Variants in IGSF9B observed in about 807,000 individuals in gnomAD.
IGSF9B encodes immunoglobulin superfamily member 9B, also known as protein turtle homolog B.
IGSF9B carries 48 observed loss-of-function variants against 143.7 expected under a neutral mutation model. The observed-to-expected ratio is 0.33, with a 90% CI of 0.26 to 0.42. The LOEUF (loss-of-function observed/expected upper bound fraction) is 0.42, where lower values mean the gene tolerates loss of function less well. Ranked by LOEUF, IGSF9B falls within the 20% of genes least tolerant of loss-of-function variation. The pLI is 1.00. For missense variants in IGSF9B, 1,706 were observed against 1,980.0 expected, an observed-to-expected ratio of 0.86 and a Z score of 2.63; for synonymous variants, 903 against 833.1, an observed-to-expected ratio of 1.08 and a Z score of -1.44.
In IGSF9B at chr11:133,898,517, G is replaced by A. The variant is rs1939060410; in HGVS notation, c.*10552C>T. The A allele has an allele frequency of 6.5e-6, 1 of 154,350 alleles. No homozygotes were observed. The highest frequency in any genetic ancestry group is 2.4e-5 in the African/African-American group (1 of 41,504). 9.6% of individuals were successfully genotyped at this position (154,350 alleles called of 1,614,324 possible). A position where few individuals can be genotyped will look rare whatever the true frequency, so the allele number is the denominator to read the frequency against. On this transcript the variant is annotated 3_prime_UTR_variant, in exon 20 of 20. Coordinates refer to ENST00000533871, the MANE Select transcript of IGSF9B (RefSeq NM_001277285.4). Reference sequence around the variant, plus strand: ...GAAAAACACTGAAGACCAAGGGGCAGGAGTCACTGACATGAAGCGGGATGT... The same window carrying A: ...GAAAAACACTGAAGACCAAGGGGCAAGAGTCACTGACATGAAGCGGGATGT...
rs769248011 is a variant in IGSF9B, at chr11:133,926,012, G to C, written c.1808-47C>G. On this transcript the variant is annotated intron_variant, in intron 13 of 19. Transcript: ENST00000533871. Reference sequence around the variant, plus strand: ...AACCACAGCGCATCAGCGAGGCCCAGGGCAGCCACCGCACCCCCCACACTC... The same window carrying C: ...AACCACAGCGCATCAGCGAGGCCCACGGCAGCCACCGCACCCCCCACACTC... 8.7e-6 allele frequency: 12 copies of C among 1,383,018 alleles called. No homozygotes were observed. The South Asian group carries it at 8.7e-5, about 10-fold the overall frequency. 85.7% of individuals were successfully genotyped at this position (1,383,018 alleles called of 1,614,324 possible).
rs368087626 is a variant in IGSF9B at position 133,921,103 on chromosome 11, G to A, written c.2622C>T (p.Ile874=). The A allele has an allele frequency of 5.0e-5, 81 of 1,613,840 alleles. No individual in the cohort carries two copies. In the African/African-American group the frequency reaches 6.8e-4, roughly 14 times the overall value. Residue 874 remains isoleucine (I), a synonymous_variant, in exon 18 of 20, where the codon ATC becomes ATT. Coordinates refer to ENST00000533871, the MANE Select transcript of IGSF9B (RefSeq NM_001277285.4). ...EMEPSLKSRR[I]EGFPFAEETD... Reference sequence around the variant, plus strand: ...TCTCCTCGGCGAAGGGGAAGCCCTCGATGCGCCTGCTCTTCAGCGAGGGCT... The same window carrying A: ...TCTCCTCGGCGAAGGGGAAGCCCTCAATGCGCCTGCTCTTCAGCGAGGGCT...
At chr11:133,939,803 C>A (rs571107453) in intron 3 of IGSF9B, among the ~76,000 whole-genome samples, 2 of 151,568 alleles carry the variant, frequency 1.3e-5, no homozygotes, top group African/African-American at 4.9e-5. Context: ...CACGCGTCAT[C>A]GCATGCAGAA....
In IGSF9B at chr11:133,919,731, G is replaced by T; in HGVS notation, c.3983+11C>A. 2 of 1,402,150 alleles carry T rather than the reference G, an allele frequency of 1.4e-6. No individual in the cohort carries two copies. Among genetic ancestry groups the T allele is most frequent in the Admixed American group, 2.8e-5 (1 of 35,232 alleles). 86.9% of individuals were successfully genotyped at this position (1,402,150 alleles called of 1,614,324 possible). A position where few individuals can be genotyped will look rare whatever the true frequency, so the allele number is the denominator to read the frequency against. On this transcript the variant is annotated intron_variant, in intron 18 of 19. Transcript: ENST00000533871. ...CCCAGGTGCGGGTGGCGGAAGAGGCGGCGCACTCACCCTGAAGTAGGTAAC... is the reference window on the plus strand; with the variant it reads ...CCCAGGTGCGGGTGGCGGAAGAGGCTGCGCACTCACCCTGAAGTAGGTAAC...
rs1158587664 is a variant in IGSF9B, at chr11:133,907,474, A to C, written c.*1595T>G. Among the ~76,000 whole-genome samples the C allele has an allele frequency of 3.3e-5, 5 of 152,134 alleles. No individual in the cohort carries two copies. Among genetic ancestry groups the C allele is most frequent in the African/African-American group, 7.2e-5 (3 of 41,422 alleles). ...CCAAGACAGCAGCACCAAGAAGGAA[A>C]TACTTCAAGGAACCTTCATTCTAAG... On this transcript the variant is annotated 3_prime_UTR_variant, in exon 20 of 20. Transcript: ENST00000533871.
At chr11:133,939,291 A>C (rs1007670050) in intron 3 of IGSF9B, among the ~76,000 whole-genome samples, 2 of 148,146 alleles carry the variant, frequency 1.4e-5, no homozygotes, top group Non-Finnish European at 3.0e-5. Flanking sequence ...ATCCCATCTC[A>C]GATGGCACTT....
chr11:133,926,265 C>T (rs1016929853), intron 13 of IGSF9B, among the ~76,000 whole-genome samples: 1 of 152,264 alleles, frequency 6.6e-6, no homozygotes, highest in African/African-American at 2.4e-5. Flanking sequence ...ACAGCAGTCA[C>T]TCTTTCCATT....
At chr11:133,929,237 C>T (rs329672) in intron 12 of IGSF9B, among the ~76,000 whole-genome samples, 85,685 of 152,044 alleles carry the variant, frequency 0.56, 24,731 homozygotes, top group Middle Eastern at 0.7. Context: ...TACCTACAAA[C>T]GTATGTACCA....
Position 133,902,529 on chromosome 11 carries a change from A to G in IGSF9B, c.*6540T>C, listed in dbSNP as rs887209773. ...CACACCACACACAGACATGCACACC[A>G]CACACATATACCACACACACCACAT... On this transcript the variant is annotated 3_prime_UTR_variant, in exon 20 of 20. Transcript: ENST00000533871. 2.7e-4 allele frequency among the ~76,000 whole-genome samples: 38 copies of G among 142,708 alleles called. No homozygotes were observed. The highest frequency in any genetic ancestry group is 2.8e-4 in the Non-Finnish European group (18 of 65,406). 93.6% of individuals were successfully genotyped at this position (142,708 alleles called of 152,430 possible). A position where few individuals can be genotyped will look rare whatever the true frequency, so the allele number is the denominator to read the frequency against.
rs1168942142 is a variant in IGSF9B, at chr11:133,953,051, G to C, written c.64+3640C>G. On this transcript the variant is annotated intron_variant, in intron 1 of 19. Transcript: ENST00000533871. This position sits in a 1 kb window ranked among gnomAD's most constrained non-coding sequence, Gnocchi z 4.2. ...CCCCCACATCTTGAAGCACCCAGCA[G>C]GGCTGAGGAAGAGAGGGCCAAGGAA... Among the ~76,000 whole-genome samples, 2 of 152,262 alleles carry C rather than the reference G, an allele frequency of 1.3e-5. No homozygotes were observed. Among genetic ancestry groups the C allele is most frequent in the African/African-American group, 4.8e-5 (2 of 41,554 alleles).
intron 1 of IGSF9B, among the ~76,000 whole-genome samples, chr11:133,949,878 C>T (rs1940127523): frequency 6.6e-6 from 1 of 152,184 alleles, no homozygotes; most frequent in Non-Finnish European, 1.5e-5. Flanking sequence ...CAGGGAAAGG[C>T]ACCATAGGTC....
At position 133,929,728 on chromosome 11, in the gene IGSF9B, G is replaced by C; in HGVS notation, c.1574C>G (p.Ala525Gly). 2 of 1,613,974 alleles carry C rather than the reference G, an allele frequency of 1.2e-6. No homozygotes were observed. The highest frequency in any genetic ancestry group is 1.7e-4 in the Middle Eastern group (1 of 6,060). ...SVRVQVSMTTANVSWEPGYDG... is the reference protein window; with the variant it reads ...SVRVQVSMTTGNVSWEPGYDG... ...ATAGCCTGGTTCCCAGGACACGTTG[G>C]CAGTTGTCATGGAGACCTGGACCCG... Residue 525 changes from alanine (A) to glycine (G), a missense_variant, in exon 12 of 20, where the codon GCC (alanine) becomes GGC (glycine). Ala to Gly is a moderately conservative substitution (Grantham distance 60, BLOSUM62 0). This residue lies in a region of IGSF9B where 267 missense variants were observed against 321.1 expected (regional missense o/e 0.83). Coordinates refer to ENST00000533871, the MANE Select transcript of IGSF9B (RefSeq NM_001277285.4).
Position 133,923,103 on chromosome 11 carries a change from T to C in IGSF9B, c.2120-373A>G, listed in dbSNP as rs560595436. 2.6e-5 allele frequency among the ~76,000 whole-genome samples: 4 copies of C among 152,362 alleles called. No homozygotes were observed. The East Asian group carries it at 7.7e-4, about 29-fold the overall frequency. On this transcript the variant is annotated intron_variant, in intron 15 of 19. Transcript: ENST00000533871. Reference sequence around the variant, plus strand: ...GCTACACAGAGCACACATACTGTTCTCATTCTCTAAATGAAAGAGCTCTGA... The same window carrying C: ...GCTACACAGAGCACACATACTGTTCCCATTCTCTAAATGAAAGAGCTCTGA...
chr11:133,917,466 C>T (rs759814702), intron 18 of IGSF9B, among the ~76,000 whole-genome samples: 1 of 151,804 alleles, frequency 6.6e-6, no homozygotes, highest in Non-Finnish European at 1.5e-5. Context: ...GCCCCCTCCC[C>T]TCGGGGAGGT....
At chr11:133,927,481 G>C (rs1248315189) in intron 12 of IGSF9B, among the ~76,000 whole-genome samples, 1 of 152,214 alleles carries the variant, frequency 6.6e-6, no homozygotes, top group Non-Finnish European at 1.5e-5. Flanking sequence ...GGCAGGATGA[G>C]GGAAGGAGCC....
intron 17 of IGSF9B, 30 bp from the exon 18 acceptor site, chr11:133,921,427 A>T (rs370084947): frequency 4.0e-4 from 578 of 1,447,980 alleles, no homozygotes; most frequent in Non-Finnish European, 5.0e-4. Context: ...CCGGGAGGGG[A>T]TGAGGTGGGG....
Position 133,956,892 on chromosome 11 carries a change from GC to G in IGSF9B, c.-139del. On this transcript the variant is annotated 5_prime_UTR_variant, in exon 1 of 20. It removes the in-frame stop codon of an upstream open reading frame in the 5' UTR. Transcript: ENST00000533871. The stretch of plus-strand genomic sequence containing the variant: ...CGCCGGTGCTCCTGCAGCCCGGGTG[GC>G]CAGCTCTCCATCCCTCCTAGGCTCC... 1 of 442,360 alleles carries G rather than the reference GC, an allele frequency of 2.3e-6. No individual in the cohort carries two copies. Among genetic ancestry groups the G allele is most frequent in the Non-Finnish European group, 3.9e-6 (1 of 259,284 alleles). The allele number at this position is 442,360 out of a possible 1,614,324, so 27.4% of individuals were successfully genotyped here.
chr11:133,904,188 C>G lies in IGSF9B; in HGVS notation c.*4881G>C, dbSNP rs1324247628. 6.6e-6 allele frequency among the ~76,000 whole-genome samples: 1 copy of G among 152,156 alleles called. No individual in the cohort carries two copies. The highest frequency in any genetic ancestry group is 1.5e-5 in the Non-Finnish European group (1 of 68,032). ...GAAGGCACGTCAGGCTCCAGCTCCC[C>G]CTCTCTATCACCATCACCATCACCA... On this transcript the variant is annotated 3_prime_UTR_variant, in exon 20 of 20. Coordinates refer to ENST00000533871, the MANE Select transcript of IGSF9B (RefSeq NM_001277285.4).
Position 133,896,447 on chromosome 11 carries a change from A to G in IGSF9B, c.*12622T>C, listed in dbSNP as rs1450134014. 6.6e-6 allele frequency: 1 copy of G among 152,216 alleles called. No homozygotes were observed. Among genetic ancestry groups the G allele is most frequent in the Non-Finnish European group, 1.5e-5 (1 of 68,038 alleles). 9.4% of individuals were successfully genotyped at this position (152,216 alleles called of 1,614,324 possible). On this transcript the variant is annotated 3_prime_UTR_variant, in exon 20 of 20. Coordinates refer to ENST00000533871, the MANE Select transcript of IGSF9B (RefSeq NM_001277285.4). ...AAATTAGAAAATGAACTTTTTTAGC[A>G]AATGTTTATTTATATCAAAATACAA...
Sources: gnomAD v4.1 joint callset for allele counts (sites outside exome capture counted in the v4.1 genomes callset) on GRCh38, gnomAD v4.1.1 for gene constraint, gnomAD v4.1.1 regional missense constraint, Gnocchi (gnomAD v3.1) non-coding constraint, MANE v1.5 for transcripts, NCBI Gene and HGNC (gene_info 2026-07-23, HGNC 2026-07-21) for gene names.